The following SLC13A4 variants were observed in gnomAD, a reference collection of about 807,000 sequenced individuals.
The protein encoded by SLC13A4 is Na(+)/sulfate cotransporter SUT-1.
A neutral mutation model predicts 72.7 loss-of-function variants in SLC13A4; 28 were observed. The ratio of observed to expected loss-of-function variants is 0.39; its 90% CI spans 0.29 to 0.53. The LOEUF is 0.53. SLC13A4 is among the 20% of genes least tolerant of loss of function. The probability of loss-of-function intolerance (pLI) is 0.78; values close to 1 mark genes in which losing one functional copy is unlikely to be tolerated. For synonymous variants in SLC13A4, 312 were observed against 325.5 expected, an observed-to-expected ratio of 0.96 and a Z score of 0.45; for missense variants, 653 against 788.0, an observed-to-expected ratio of 0.83 and a Z score of 2.05.
chr7:135,719,813 G>A (rs3112361), intron 2 of SLC13A4, among the ~76,000 whole-genome samples: 30,593 of 146,364 alleles, frequency 0.21, 3,459 homozygotes, highest in Admixed American at 0.32. Flanking sequence ...ATGTGTGTGT[G>A]TGTGTGTGTG....
chr7:135,699,575 T>A (rs373550259), intron 7 of SLC13A4, 27 bp from the exon 8 acceptor site: 302 of 1,577,142 alleles, frequency 1.9e-4, no homozygotes, highest in Non-Finnish European at 2.4e-4. Context: ...AGCAAATCTG[T>A]CCAACCCAGC....
At chr7:135,707,879 C>T (rs1326048702) in intron 3 of SLC13A4, 1 of 466,444 alleles carries the variant, frequency 2.1e-6, no homozygotes, top group Non-Finnish European at 3.8e-6. Flanking sequence ...GCCCTTGCAG[C>T]CTAGGTCAAT....
intron 1 of SLC13A4, 83 bp from the exon 2 acceptor site, chr7:135,721,606 A>G: frequency 1.3e-6 from 2 of 1,551,032 alleles, no homozygotes; most frequent in Non-Finnish European, 1.8e-6. Flanking sequence ...CATCTGAGGC[A>G]GCAGACTCAG....
At chr7:135,722,467 T>G (rs2129495505) in intron 1 of SLC13A4, among the ~76,000 whole-genome samples, 2 of 151,934 alleles carry the variant, frequency 1.3e-5, no homozygotes, top group Middle Eastern at 3.4e-3. Context: ...GCATCTGGGG[T>G]GTGTCTCAAG....
chr7:135,692,433 TAAAAC>T lies in SLC13A4; in HGVS notation c.1122-14_1122-10del, dbSNP rs1490876432. 3.1e-6 allele frequency: 5 copies of T among 1,595,404 alleles called. No homozygotes were observed. Among genetic ancestry groups the T allele is most frequent in the Non-Finnish European group, 4.3e-6 (5 of 1,169,628 alleles). On this transcript the variant is annotated splice_polypyrimidine_tract_variant and intron_variant, in intron 10 of 15. Coordinates refer to ENST00000682651, the MANE Select transcript of SLC13A4 (RefSeq NM_001318192.2). ...TCACCATTTCTGGGTAGCTATAAAA[TAAAAC>T]AGAAAGACCCACTCAGGAACTGAGA...
In SLC13A4 at chr7:135,692,318, C is replaced by T. The variant is rs1414998874; in HGVS notation, c.1223+5G>A. The T allele has an allele frequency of 6.2e-7, 1 of 1,604,122 alleles. No homozygotes were observed. The highest frequency in any genetic ancestry group is 1.3e-5 in the African/African-American group (1 of 74,688). On this transcript the variant is annotated splice_donor_5th_base_variant and intron_variant, in intron 11 of 15. Transcript: ENST00000682651. ...TGTTCTTAAGGAGGAAATGATATCA[C>T]TTACTTTTCAAAGAAAGAATCCCAG...
Position 135,681,411 on chromosome 7 carries a change from T to G in SLC13A4, c.*152A>C. On this transcript the variant is annotated 3_prime_UTR_variant, in exon 16 of 16. Coordinates refer to ENST00000682651, the MANE Select transcript of SLC13A4 (RefSeq NM_001318192.2). Reference sequence around the variant, plus strand: ...TGTTGGAGGATTCCTGCAGTTCACTTGAGGTGGCGGAATCTTCTGGTGGAG... The same window carrying G: ...TGTTGGAGGATTCCTGCAGTTCACTGGAGGTGGCGGAATCTTCTGGTGGAG... The G allele has an allele frequency of 3.3e-5, 29 of 872,046 alleles. No homozygotes were observed. The highest frequency in any genetic ancestry group is 4.6e-5 in the Non-Finnish European group (27 of 584,034). 54.0% of individuals were successfully genotyped at this position (872,046 alleles called of 1,614,324 possible). A position where few individuals can be genotyped will look rare whatever the true frequency, so the allele number is the denominator to read the frequency against.
At chr7:135,692,017 TTTC>T (rs1377455497) in intron 11 of SLC13A4, 1 of 429,138 alleles carries the variant, frequency 2.3e-6, no homozygotes, top group African/African-American at 2.0e-5. Flanking sequence ...GAGAAGTTGA[TTTC>T]TTCTTTACAG....
At chr7:135,719,458 C>T (rs920634271) in intron 2 of SLC13A4, among the ~76,000 whole-genome samples, 2 of 152,186 alleles carry the variant, frequency 1.3e-5, no homozygotes, top group Non-Finnish European at 2.9e-5. Context: ...CCTCCACTTT[C>T]AAGCCCTGCC....
At chr7:135,722,945 G>A (rs1301014536) in intron 1 of SLC13A4, among the ~76,000 whole-genome samples, 8 of 152,240 alleles carry the variant, frequency 5.3e-5, no homozygotes, top group South Asian at 2.1e-4. Context: ...GTCAACCTTC[G>A]TACTACTGAC....
chr7:135,699,966 G>C (rs1795993500), intron 7 of SLC13A4, among the ~76,000 whole-genome samples: 1 of 152,078 alleles, frequency 6.6e-6, no homozygotes. Flanking sequence ...AGAATGACAG[G>C]ATTTGGCCTT....
intron 7 of SLC13A4, among the ~76,000 whole-genome samples, chr7:135,700,382 TA>T (rs1796003171): frequency 6.6e-6 from 1 of 152,142 alleles, no homozygotes; most frequent in Non-Finnish European, 1.5e-5. Context: ...TTCATGAGAC[TA>T]GGAAAGTCCT....
At chr7:135,721,298 C>T (rs1796541731) in intron 2 of SLC13A4, 97 bp downstream of exon 2, 2 of 1,450,952 alleles carry the variant, frequency 1.4e-6, no homozygotes, top group Admixed American at 1.9e-5. Context: ...AAGGCCCCCT[C>T]ATCGTCAAGT....
chr7:135,719,416 G>C (rs1383694850), intron 2 of SLC13A4, among the ~76,000 whole-genome samples: 2 of 152,098 alleles, frequency 1.3e-5, no homozygotes, highest in Non-Finnish European at 2.9e-5. Context: ...TTAGGATTCA[G>C]TTCTTTCTAA....
In SLC13A4 at chr7:135,685,555, G is replaced by C. The variant is rs1407786833; in HGVS notation, c.1575C>G (p.Thr525=). ...ACAGGATGGGCAGGAAGATGGTGATGGTTGCTGGGTTGCTCACAAACTCAG... is the reference window on the plus strand; with the variant it reads ...ACAGGATGGGCAGGAAGATGGTGATCGTTGCTGGGTTGCTCACAAACTCAG... The part of the protein sequence containing the change: ...IVTEFVSNPA[T]ITIFLPILCS... The change falls in exon 14 of 16, where the codon ACC becomes ACG. Residue 525 remains threonine (T), a synonymous_variant. Coordinates refer to ENST00000682651, the MANE Select transcript of SLC13A4 (RefSeq NM_001318192.2). 1.2e-6 allele frequency: 2 copies of C among 1,614,066 alleles called. No individual in the cohort carries two copies. Among genetic ancestry groups the C allele is most frequent in the African/African-American group, 2.7e-5 (2 of 74,932 alleles).
Position 135,715,668 on chromosome 7 carries a change from G to A in SLC13A4, c.228+5727C>T, listed in dbSNP as rs184182883. On this transcript the variant is annotated intron_variant, in intron 2 of 15. Coordinates refer to ENST00000682651, the MANE Select transcript of SLC13A4 (RefSeq NM_001318192.2). Reference sequence around the variant, plus strand: ...TCCAACCCATGCTTTCTACTTCACCGGAGAGCCCTGTGGTGCCCACCTCTA... The same window carrying A: ...TCCAACCCATGCTTTCTACTTCACCAGAGAGCCCTGTGGTGCCCACCTCTA... Among the ~76,000 whole-genome samples the A allele has an allele frequency of 1.6e-3, 247 of 152,316 alleles. 2 individuals are homozygous for A. The highest frequency in any genetic ancestry group is 5.7e-3 in the African/African-American group (235 of 41,550).
chr7:135,686,934 G>A (rs1160933000), intron 13 of SLC13A4, among the ~76,000 whole-genome samples: 1 of 152,160 alleles, frequency 6.6e-6, no homozygotes, highest in Non-Finnish European at 1.5e-5. Flanking sequence ...GCACGCGCCT[G>A]TAATCCCAGC....
At chr7:135,692,185 G>A in intron 11 of SLC13A4, 138 bp downstream of exon 11, 1 of 712,410 alleles carries the variant, frequency 1.4e-6, no homozygotes, top group Non-Finnish European at 2.5e-6. Flanking sequence ...ATTTCACACT[G>A]CAGCCTCCCT....
At chr7:135,713,423 C>T (rs1183035898) in intron 2 of SLC13A4, among the ~76,000 whole-genome samples, 1 of 152,060 alleles carries the variant, frequency 6.6e-6, no homozygotes, top group Admixed American at 6.6e-5. Context: ...AGATGAGTTA[C>T]CTGCTATTGG....
Sources: gnomAD v4.1 joint callset for allele counts (sites outside exome capture counted in the v4.1 genomes callset) on GRCh38, gnomAD v4.1.1 for gene constraint, MANE v1.5 for transcripts, NCBI Gene and HGNC (gene_info 2026-07-23, HGNC 2026-07-21) for gene names.